Variants in GRAMD1C observed in about 807,000 individuals in gnomAD.
GRAMD1C encodes the protein GRAM domain containing 1C, also known as protein Aster-C.
In GRAMD1C, 89 loss-of-function variants were observed where a neutral mutation model predicts 97.8. The ratio of observed to expected loss-of-function variants is 0.91; its 90% confidence interval spans 0.77 to 1.09. The LOEUF (loss-of-function observed/expected upper bound fraction) is 1.09. GRAMD1C is among the 50% of genes least tolerant of loss of function. GRAMD1C has a pLI of 0.00. For synonymous variants in GRAMD1C, 256 were observed against 267.0 expected, an observed-to-expected ratio of 0.96 and a Z score of 0.40; for missense variants, 740 against 766.4, an observed-to-expected ratio of 0.97 and a Z score of 0.41.
intron 2 of GRAMD1C, among the ~76,000 whole-genome samples, chr3:113,865,555 T>A (rs796235306): frequency 5.3e-5 from 8 of 152,336 alleles, no homozygotes; most frequent in African/African-American, 1.9e-4. Context: ...AATAGGAAGA[T>A]GCTATTTTTG....
In GRAMD1C at chr3:113,904,237, GA is replaced by G; in HGVS notation, c.757del (p.Thr253GlnfsTer13). ...CAGTGAATCAATTAGTCGGGTTTCA[GA>G]AACAGAGTCATTCGATGGAAATTCA... ...FTSESISRVS[E>X]TESFDGNSSK... On this transcript the variant is annotated frameshift_variant, in exon 8 of 18. Transcript: ENST00000358160. LOFTEE classifies it high-confidence loss of function. 6.2e-7 allele frequency: 1 copy of G among 1,608,574 alleles called. No individual in the cohort carries two copies. Among genetic ancestry groups the G allele is most frequent in the Non-Finnish European group, 8.5e-7 (1 of 1,175,138 alleles).
chr3:113,886,397 A>T (rs1935479873), intron 6 of GRAMD1C, among the ~76,000 whole-genome samples: 1 of 152,130 alleles, frequency 6.6e-6, no homozygotes, highest in East Asian at 1.9e-4. Flanking sequence ...CTTTGTTGTG[A>T]TTCGATTTTT....
intron 17 of GRAMD1C, among the ~76,000 whole-genome samples, chr3:113,942,217 ATT>A (rs1304568930): frequency 2.6e-4 from 37 of 140,898 alleles, no homozygotes; most frequent in Middle Eastern, 3.8e-3. Flanking sequence ...CCCAGCTGCA[ATT>A]TTTTTTTTTT....
intron 9 of GRAMD1C, among the ~76,000 whole-genome samples, chr3:113,911,173 G>GACACACACACACACACACACACACAC (rs60151773): frequency 9.6e-4 from 141 of 147,530 alleles, no homozygotes; most frequent in East Asian, 2.8e-3. Flanking sequence ...CAGAGAGAGA[G>GACACACACACACACACACACACACAC]ACACACACAC....
At chr3:113,835,619 T>A (rs986908103), upstream of GRAMD1C, among the ~76,000 whole-genome samples, 4 of 152,234 alleles carry the variant, frequency 2.6e-5, no homozygotes, top group Non-Finnish European at 4.4e-5. Flanking sequence ...TGATTGGGTA[T>A]CTTAATACAT....
chr3:113,942,883 G>A (rs1336064363), intron 17 of GRAMD1C, among the ~76,000 whole-genome samples: 1 of 152,144 alleles, frequency 6.6e-6, no homozygotes, highest in Non-Finnish European at 1.5e-5. Flanking sequence ...TGAGCCTTTT[G>A]AGGATTCTTT....
intron 6 of GRAMD1C, among the ~76,000 whole-genome samples, chr3:113,895,228 A>C (rs1002731093): frequency 1.3e-5 from 2 of 152,132 alleles, no homozygotes; most frequent in Admixed American, 1.3e-4. Flanking sequence ...CTGATTGCTA[A>C]TCTGACTTCC....
chr3:113,883,760 A>G (rs1389813938), intron 6 of GRAMD1C, among the ~76,000 whole-genome samples: 2 of 152,170 alleles, frequency 1.3e-5, no homozygotes, highest in East Asian at 1.9e-4. Context: ...TCTGGAATTC[A>G]TAACAATCAT....
chr3:113,830,682 A>T (rs1247748896), intron 1 of GRAMD1C, among the ~76,000 whole-genome samples: 1 of 152,256 alleles, frequency 6.6e-6, no homozygotes, highest in Non-Finnish European at 1.5e-5. Context: ...CTATAATCTT[A>T]TGGGACCACT....
At chr3:113,900,352 C>T (rs1454654744) in intron 6 of GRAMD1C, among the ~76,000 whole-genome samples, 1 of 150,652 alleles carries the variant, frequency 6.6e-6, no homozygotes, top group Admixed American at 6.6e-5. Flanking sequence ...CAGTGAGACT[C>T]CATCTCAAAA....
intron 3 of GRAMD1C, among the ~76,000 whole-genome samples, chr3:113,874,609 T>C (rs779635043): frequency 3.5e-4 from 54 of 152,220 alleles, no homozygotes; most frequent in Non-Finnish European, 6.3e-4. Flanking sequence ...CCTCCCAAAG[T>C]GTTGAGATTA....
At chr3:113,874,106 A>G (rs542412709) in intron 3 of GRAMD1C, among the ~76,000 whole-genome samples, 2 of 152,332 alleles carry the variant, frequency 1.3e-5, no homozygotes, top group South Asian at 4.1e-4. Flanking sequence ...TAGACATTTA[A>G]CATGACTAAG....
At chr3:113,848,724 T>C (rs1933723641) in intron 2 of GRAMD1C, among the ~76,000 whole-genome samples, 1 of 152,168 alleles carries the variant, frequency 6.6e-6, no homozygotes, top group South Asian at 2.1e-4. Flanking sequence ...GAAGGATTGC[T>C]TGAGTCCAGG....
chr3:113,832,791 A>G (rs1709576586), intron 1 of GRAMD1C, among the ~76,000 whole-genome samples: 1 of 152,216 alleles, frequency 6.6e-6, no homozygotes, highest in South Asian at 2.1e-4. Context: ...TACAGAAACA[A>G]GCAATTATCT....
chr3:113,881,655 T>A (rs1935266032), intron 5 of GRAMD1C, among the ~76,000 whole-genome samples: 1 of 152,132 alleles, frequency 6.6e-6, no homozygotes, highest in Non-Finnish European at 1.5e-5. Context: ...AACACAGTGG[T>A]GAAAATGAGA....
chr3:113,947,163 G>A lies in GRAMD1C; in HGVS notation c.*1685G>A, dbSNP rs943881674. 1 of 152,112 alleles carries A rather than the reference G, an allele frequency of 6.6e-6. No homozygotes were observed. Among genetic ancestry groups the A allele is most frequent in the Non-Finnish European group, 1.5e-5 (1 of 68,012 alleles). 9.4% of individuals were successfully genotyped at this position (152,112 alleles called of 1,614,324 possible). A position where few individuals can be genotyped will look rare whatever the true frequency, so the allele number is the denominator to read the frequency against. The stretch of plus-strand genomic sequence containing the variant: ...ACGTAAATTGAATATTAATAAAATT[G>A]AAAATTTCTGAGTTGTAGTTTTTCT... On this transcript the variant is annotated 3_prime_UTR_variant, in exon 18 of 18. Transcript: ENST00000358160.
chr3:113,850,768 G>A (rs774661344), intron 2 of GRAMD1C: 255 of 971,636 alleles, frequency 2.6e-4, no homozygotes, highest in Non-Finnish European at 3.6e-4. Flanking sequence ...AGGCTGGAAA[G>A]GATATACTTA....
chr3:113,902,602 G>T (rs1936217831), intron 7 of GRAMD1C, among the ~76,000 whole-genome samples: 1 of 152,166 alleles, frequency 6.6e-6, no homozygotes, highest in Non-Finnish European at 1.5e-5. Flanking sequence ...AGGAAAGAAA[G>T]AATATTTTTG....
At chr3:113,843,049 G>GTT (rs71144092) in intron 1 of GRAMD1C, among the ~76,000 whole-genome samples, 1,515 of 53,418 alleles carry the variant, frequency 0.028, 274 homozygotes, top group African/African-American at 0.064. Flanking sequence ...ACCATAAGCT[G>GTT]TTTTTTTTTT....
Sources: allele counts gnomAD v4.1 joint callset (sites outside exome capture counted in the v4.1 genomes callset), GRCh38; gene constraint gnomAD v4.1.1; transcripts MANE v1.5; gene names NCBI Gene and HGNC (gene_info 2026-07-23, HGNC 2026-07-21).